CHEK2: variants seen among roughly 807,000 people sequenced by gnomAD.
The protein encoded by CHEK2 is serine/threonine-protein kinase Chk2.
A neutral mutation model predicts 69.1 loss-of-function variants in CHEK2; 71 were observed. The ratio of observed to expected loss-of-function variants is 1.03; its 90% confidence interval spans 0.85 to 1.25. The LOEUF (loss-of-function observed/expected upper bound fraction) is 1.25. CHEK2 is among the 50% of genes most tolerant of loss of function. The pLI is 0.00. For missense variants in CHEK2, 664 were observed against 649.6 expected (o/e 1.02, Z -0.24); for synonymous variants, 189 against 226.9 (o/e 0.83, Z 1.50).
intron 1 of CHEK2, among the ~76,000 whole-genome samples, chr22:28,741,073 C>G (rs1425218178): frequency 6.7e-6 from 1 of 149,148 alleles, no homozygotes; most frequent in East Asian, 2.0e-4. Context: ...TCGCTTGAAC[C>G]CAGGAGGCAG....
intron 5 of CHEK2, among the ~76,000 whole-genome samples, chr22:28,718,230 C>A (rs1424534003): frequency 6.6e-6 from 1 of 152,156 alleles, no homozygotes; most frequent in Non-Finnish European, 1.5e-5. Flanking sequence ...ACAATGACAT[C>A]ACCTGAAGCC....
chr22:28,702,694 G>A (rs2052934349), intron 8 of CHEK2, among the ~76,000 whole-genome samples: 1 of 151,792 alleles, frequency 6.6e-6, no homozygotes, highest in South Asian at 2.1e-4. Context: ...TAACAGGTGT[G>A]CGCCACCACA....
At chr22:28,729,276 G>C in intron 2 of CHEK2, 1 of 271,438 alleles carries the variant, frequency 3.7e-6, no homozygotes, top group Non-Finnish European at 7.4e-6. Context: ...AGGCGCGGTG[G>C]CTCACATCTG....
chr22:28,734,803 C>T, intron 1 of CHEK2, 76 bp from the exon 2 acceptor site: 2 of 1,076,338 alleles, frequency 1.9e-6, no homozygotes, highest in Non-Finnish European at 2.8e-6. Context: ...AATGATGGGC[C>T]TATTACAACA....
intron 6 of CHEK2, among the ~76,000 whole-genome samples, 160 bp from the exon 7 acceptor site, chr22:28,710,219 C>T (rs775673035): frequency 1.2e-4 from 19 of 152,152 alleles, no homozygotes; most frequent in Non-Finnish European, 2.8e-4. Flanking sequence ...TTAAATACCT[C>T]ACCTAAAATA....
At chr22:28,712,106 A>ACAGACATTCCATATTAGAATTTT in intron 5 of CHEK2, 89 bp from the exon 6 acceptor site, 1 of 929,258 alleles carries the variant, frequency 1.1e-6, no homozygotes, top group Non-Finnish European at 1.8e-6. Flanking sequence ...ATTAGAATTT[A>ACAGACATTCCATATTAGAATTTT]CAGACATTCC....
Position 28,703,544 on chromosome 22 carries a change from T to A in CHEK2, c.869A>T (p.Asn290Ile), listed in dbSNP as rs2145878133. 1 of 1,558,770 alleles carries A rather than the reference T, an allele frequency of 6.4e-7. No individual in the cohort carries two copies. The highest frequency in any genetic ancestry group is 8.8e-7 in the Non-Finnish European group (1 of 1,135,946). Residue 290 changes from asparagine (N) to isoleucine (I), a missense_variant, in exon 8 of 15, where the codon AAC becomes ATC. Transcript: ENST00000404276. ...LNHPCIIKIK[N>I]FFDAEDYYIV... ...ATAATAATCTTCTGCATCAAAAAAG[T>A]TTTTAATCTTGATGATGCAAGGCTA...
Position 28,725,380 on chromosome 22 carries a change from A to C in CHEK2, c.320-13T>G, listed in dbSNP as rs769018665. 3.1e-6 allele frequency: 5 copies of C among 1,613,976 alleles called. No homozygotes were observed. The highest frequency in any genetic ancestry group is 3.4e-6 in the Non-Finnish European group (4 of 1,180,020). The stretch of plus-strand genomic sequence containing the variant: ...TCATTCACACATTCTGTAATATAAA[A>C]GCATGCATCAGAGGGCTGTTGAATT... On this transcript the variant is annotated splice_polypyrimidine_tract_variant and intron_variant, in intron 2 of 14. Transcript: ENST00000404276.
chr22:28,726,795 C>T (rs1458953801), intron 2 of CHEK2, among the ~76,000 whole-genome samples: 4 of 142,458 alleles, frequency 2.8e-5, no homozygotes, highest in Admixed American at 7.5e-5. Flanking sequence ...TCCTCATGGC[C>T]TACTAGATGC....
intron 1 of CHEK2, among the ~76,000 whole-genome samples, chr22:28,735,837 G>A (rs963956755): frequency 7.9e-5 from 12 of 151,762 alleles, no homozygotes; most frequent in African/African-American, 2.2e-4. Context: ...AGCTGAGATC[G>A]CGCCACTGCA....
chr22:28,725,159 T>C (rs767196500), intron 3 of CHEK2, 35 bp from the exon 4 acceptor site: 38 of 1,613,924 alleles, frequency 2.4e-5, no homozygotes, highest in Non-Finnish European at 2.5e-5. Flanking sequence ...AGACTTTGAA[T>C]AGCAGAGATT....
chr22:28,691,543 TA>T (rs1177382131), intron 13 of CHEK2, among the ~76,000 whole-genome samples: 43 of 152,384 alleles, frequency 2.8e-4, no homozygotes, highest in African/African-American at 9.6e-4. Context: ...TCCAAAATAT[TA>T]AATTAGCCAG....
chr22:28,713,689 C>T (rs2053489154), intron 5 of CHEK2, among the ~76,000 whole-genome samples: 1 of 137,108 alleles, frequency 7.3e-6, no homozygotes, highest in African/African-American at 2.7e-5. Flanking sequence ...CACTTGTTTG[C>T]TTTTTTTTTG....
At chr22:28,722,757 G>A (rs752387522) in intron 4 of CHEK2, among the ~76,000 whole-genome samples, 1 of 151,952 alleles carries the variant, frequency 6.6e-6, no homozygotes, top group Non-Finnish European at 1.5e-5. Context: ...CCGAGCTGGA[G>A]GGCAGTGGCT....
At chr22:28,693,462 C>A (rs1231781843) in intron 13 of CHEK2, among the ~76,000 whole-genome samples, 2 of 152,156 alleles carry the variant, frequency 1.3e-5, no homozygotes, top group Non-Finnish European at 2.9e-5. Flanking sequence ...CCCCCTCCCC[C>A]ACTTCCCTGA....
intron 1 of CHEK2, among the ~76,000 whole-genome samples, chr22:28,740,522 T>TAAAG (rs1364288907): frequency 6.6e-6 from 1 of 152,228 alleles, no homozygotes; most frequent in Non-Finnish European, 1.5e-5. Context: ...AAATGTTACT[T>TAAAG]TAATGTAAGA....
At chr22:28,691,849 T>G (rs1470800221) in intron 13 of CHEK2, among the ~76,000 whole-genome samples, 1 of 152,346 alleles carries the variant, frequency 6.6e-6, no homozygotes. Context: ...GAGACCAGAA[T>G]CCACATTCCC....
chr22:28,694,253 C>T (rs1373539213), intron 12 of CHEK2, 136 bp from the exon 13 acceptor site: 7 of 698,256 alleles, frequency 1.0e-5, no homozygotes, highest in Middle Eastern at 3.8e-4. Context: ...GACAGGGCCC[C>T]CTAATCTTCC....
chr22:28,712,540 G>A (rs117415751), intron 5 of CHEK2, among the ~76,000 whole-genome samples: 81 of 152,208 alleles, frequency 5.3e-4, no homozygotes, highest in Non-Finnish European at 9.7e-4. Flanking sequence ...GAAACCAAAC[G>A]TATTACACAA....
Sources: allele counts gnomAD v4.1 joint callset (sites outside exome capture counted in the v4.1 genomes callset), GRCh38; gene constraint gnomAD v4.1.1; transcripts MANE v1.5; gene names NCBI Gene and HGNC (gene_info 2026-07-23, HGNC 2026-07-21).